PRR16: variants seen among roughly 807,000 people sequenced by gnomAD.
The protein encoded by PRR16 is protein Largen.
A neutral mutation model predicts 18.2 loss-of-function variants in PRR16; 6 were observed. The observed-to-expected ratio is 0.33, with a 90% confidence interval of 0.18 to 0.65. The LOEUF is 0.65. Ranked by LOEUF, PRR16 falls within the 30% of genes least tolerant of loss-of-function variation. PRR16 has a pLI of 0.74. For synonymous variants in PRR16, 151 were observed against 147.8 expected, an observed-to-expected ratio of 1.02 and a Z score of -0.16; for missense variants, 412 against 376.6, an observed-to-expected ratio of 1.09 and a Z score of -0.78.
At chr5:120,633,536 C>T (rs928135365) in intron 1 of PRR16, among the ~76,000 whole-genome samples, 3 of 152,056 alleles carry the variant, frequency 2.0e-5, no homozygotes, top group African/African-American at 7.2e-5. Context: ...AAAGAGATTC[C>T]ATGCAAATGG....
chr5:120,539,890 G>A (rs550914856), intron 1 of PRR16, among the ~76,000 whole-genome samples: 2 of 152,084 alleles, frequency 1.3e-5, no homozygotes, highest in African/African-American at 4.8e-5. Flanking sequence ...AGAGATGACC[G>A]AGTCATTTTT....
chr5:120,758,803 AGT>A, the PRR16 span, among the ~76,000 whole-genome samples: 1 of 152,084 alleles, frequency 6.6e-6, no homozygotes, highest in African/African-American at 2.4e-5. Flanking sequence ...ATTTCTTTAT[AGT>A]ACTATGAAAA....
intron 1 of PRR16, among the ~76,000 whole-genome samples, chr5:120,581,959 T>C (rs1015472640): frequency 6.6e-6 from 1 of 152,150 alleles, no homozygotes; most frequent in Non-Finnish European, 1.5e-5. Flanking sequence ...TGTGGCCAAT[T>C]TTAGAGTAAT....
chr5:120,747,970 T>C, the PRR16 span, among the ~76,000 whole-genome samples: 18 of 152,146 alleles, frequency 1.2e-4, no homozygotes, highest in Admixed American at 1.0e-3. Context: ...TTTATAATTA[T>C]ATGAAAGTAT....
chr5:120,773,080 T>C, the PRR16 span, among the ~76,000 whole-genome samples: 1 of 152,156 alleles, frequency 6.6e-6, no homozygotes, highest in Non-Finnish European at 1.5e-5. Context: ...GAATGTAATC[T>C]GTGTGTGGCT....
intron 1 of PRR16, among the ~76,000 whole-genome samples, chr5:120,603,917 G>A (rs999135946): frequency 1.3e-5 from 2 of 151,930 alleles, no homozygotes; most frequent in African/African-American, 4.8e-5. Flanking sequence ...GTCTAAGAGT[G>A]TTCTTGGGAT....
the PRR16 span, among the ~76,000 whole-genome samples, chr5:120,788,778 C>T: frequency 6.6e-6 from 1 of 152,144 alleles, no homozygotes; most frequent in South Asian, 2.1e-4. Context: ...AGTAAGCCCT[C>T]GAGTCTCACT....
At chr5:120,537,445 A>G (rs1180055383) in intron 1 of PRR16, among the ~76,000 whole-genome samples, 4 of 152,188 alleles carry the variant, frequency 2.6e-5, no homozygotes, top group African/African-American at 9.7e-5. Flanking sequence ...CACATGTTGC[A>G]TACCAGGCAA....
At chr5:120,613,097 G>GA (rs1267494628) in intron 1 of PRR16, among the ~76,000 whole-genome samples, 2 of 152,094 alleles carry the variant, frequency 1.3e-5, no homozygotes, top group African/African-American at 4.8e-5. Flanking sequence ...AGCAGAAATT[G>GA]AAAAAACTTA....
chr5:120,721,306 C>T, the PRR16 span, among the ~76,000 whole-genome samples: 1 of 151,622 alleles, frequency 6.6e-6, no homozygotes, highest in Admixed American at 6.6e-5. Context: ...TAAATAATTA[C>T]ATTATGGGGC....
At chr5:120,508,742 T>C (rs922548922) in intron 1 of PRR16, among the ~76,000 whole-genome samples, 1 of 152,114 alleles carries the variant, frequency 6.6e-6, no homozygotes, top group African/African-American at 2.4e-5. Flanking sequence ...GTTTTCCCCA[T>C]ATACAGGGAT....
chr5:120,690,171 A>G (rs1244546835), downstream of PRR16, among the ~76,000 whole-genome samples: 1 of 152,176 alleles, frequency 6.6e-6, no homozygotes, highest in African/African-American at 2.4e-5. Context: ...TTCTGTGGAC[A>G]GATCAGCATG....
At chr5:120,682,899 A>G (rs1358343688) in intron 1 of PRR16, among the ~76,000 whole-genome samples, 1 of 152,202 alleles carries the variant, frequency 6.6e-6, no homozygotes, top group Admixed American at 6.5e-5. Context: ...TACTTAACAA[A>G]TATTTGCTGA....
the PRR16 span, among the ~76,000 whole-genome samples, chr5:120,753,780 T>C: frequency 1.4e-5 from 2 of 144,600 alleles, no homozygotes; most frequent in African/African-American, 5.1e-5. Flanking sequence ...TTCAGTTATG[T>C]AATTATATGT....
chr5:120,491,896 A>G (rs1472107007), intron 1 of PRR16, among the ~76,000 whole-genome samples: 1 of 152,042 alleles, frequency 6.6e-6, no homozygotes, highest in Non-Finnish European at 1.5e-5. Context: ...ACTATCTCCT[A>G]TTTTAAGGAA....
intron 1 of PRR16, among the ~76,000 whole-genome samples, chr5:120,594,279 G>A (rs1267732852): frequency 6.6e-6 from 1 of 151,696 alleles, no homozygotes; most frequent in African/African-American, 2.4e-5. Flanking sequence ...CAAGATCAAC[G>A]TCCAAAGTCC....
At chr5:120,481,267 C>T (rs1483478926) in intron 1 of PRR16, 1 of 469,982 alleles carries the variant, frequency 2.1e-6, no homozygotes, top group South Asian at 1.6e-5. Context: ...CCTGCCTCAG[C>T]CTGCCTCAGT....
At chr5:120,747,767 GA>G in the PRR16 span, among the ~76,000 whole-genome samples, 1 of 151,780 alleles carries the variant, frequency 6.6e-6, no homozygotes, top group Non-Finnish European at 1.5e-5. Flanking sequence ...ATGAAGGAAG[GA>G]AGGAAGGAGA....
the PRR16 span, among the ~76,000 whole-genome samples, chr5:120,717,061 C>T: frequency 6.6e-6 from 1 of 152,076 alleles, no homozygotes; most frequent in Non-Finnish European, 1.5e-5. Flanking sequence ...TTTTTGTGAC[C>T]TTGTCACCCA....
Sources: allele counts gnomAD v4.1 joint callset (sites outside exome capture counted in the v4.1 genomes callset), GRCh38; gene constraint gnomAD v4.1.1; transcripts MANE v1.5; gene names NCBI Gene and HGNC (gene_info 2026-07-23, HGNC 2026-07-21).